TRIM51: variants seen among roughly 807,000 people sequenced by gnomAD.
The protein encoded by TRIM51 is tripartite motif-containing protein 51.
TRIM51 carries 23 observed loss-of-function variants against 32.7 expected under a neutral mutation model. That is an observed-to-expected ratio of 0.70 (90% CI 0.51 to 1.00). The LOEUF (loss-of-function observed/expected upper bound fraction) is 1.00. Among genes scored for constraint, TRIM51 ranks in the 50% least tolerant of loss-of-function variants. The probability of loss-of-function intolerance (pLI) is 0.00; values close to 1 mark genes in which losing one functional copy is unlikely to be tolerated. For synonymous variants in TRIM51, 177 were observed against 181.9 expected, an observed-to-expected ratio of 0.97 and a Z score of 0.22; for missense variants, 592 against 539.2, an observed-to-expected ratio of 1.10 and a Z score of -0.97.
At position 55,885,718 on chromosome 11, in the gene TRIM51, G is replaced by C. The variant is rs749552453; in HGVS notation, c.290G>C (p.Arg97Thr). ...GAGGAGCAAATATGTGGGATGCACAGAGAGACAAAGAAGATGTTCTGTGAA... is the reference window on the plus strand; with the variant it reads ...GAGGAGCAAATATGTGGGATGCACACAGAGACAAAGAAGATGTTCTGTGAA... Reference protein sequence around the residue: ...SSEEQICGMHRETKKMFCEVD... With the variant: ...SSEEQICGMHTETKKMFCEVD... Residue 97 changes from arginine to threonine, a missense_variant, in exon 2 of 7, where the codon AGA becomes ACA. Arg to Thr is a moderately conservative substitution (Grantham distance 71). Coordinates refer to ENST00000449290, the MANE Select transcript of TRIM51 (RefSeq NM_032681.4). The C allele has an allele frequency of 6.2e-7, 1 of 1,611,692 alleles. No homozygotes were observed. The highest frequency in any genetic ancestry group is 1.3e-5 in the African/African-American group (1 of 74,954).
chr11:55,884,095 C>T (rs1004616734), intron 1 of TRIM51, among the ~76,000 whole-genome samples: 2 of 145,302 alleles, frequency 1.4e-5, no homozygotes, highest in African/African-American at 5.1e-5. Flanking sequence ...GCAAAGATTA[C>T]AGTTTGTATT....
At chr11:55,890,339 A>G (rs1373897162) in intron 6 of TRIM51, among the ~76,000 whole-genome samples, 4 of 152,234 alleles carry the variant, frequency 2.6e-5, no homozygotes, top group African/African-American at 9.6e-5. Flanking sequence ...AAGGAAGCAT[A>G]ATAATCCAAG....
At chr11:55,889,331 A>G (rs2134540284) in intron 5 of TRIM51, among the ~76,000 whole-genome samples, 1 of 152,320 alleles carries the variant, frequency 6.6e-6, no homozygotes, top group Admixed American at 6.5e-5. Flanking sequence ...TGAAAGAGAA[A>G]ATATTACATT....
rs1182166668 is a variant in TRIM51 at position 55,885,671 on chromosome 11, C to G, written c.243C>G (p.Ser81Arg). 1 of 1,610,824 alleles carries G rather than the reference C, an allele frequency of 6.2e-7. No homozygotes were observed. Among genetic ancestry groups the G allele is most frequent in the Admixed American group, 1.7e-5 (1 of 59,772 alleles). The change falls in exon 2 of 7, where the codon AGC becomes AGG. Residue 81 changes from serine (S) to arginine (R), a missense_variant. Physicochemically the swap from Ser to Arg is moderately radical, Grantham distance 110 (BLOSUM62 -1). Coordinates refer to ENST00000449290, the MANE Select transcript of TRIM51 (RefSeq NM_032681.4). ...KNMAFIARKA[S>R]LRQFLSSEEQ... ...TGGCTTTCATTGCCAGAAAAGCCAGCCTCCGGCAATTCCTTAGCTCTGAGG... is the reference window on the plus strand; with the variant it reads ...TGGCTTTCATTGCCAGAAAAGCCAGGCTCCGGCAATTCCTTAGCTCTGAGG...
chr11:55,888,335 C>T, intron 4 of TRIM51, 73 bp downstream of exon 4: 1 of 1,095,960 alleles, frequency 9.1e-7, no homozygotes, highest in Middle Eastern at 2.9e-4. Context: ...CTCCTGAACT[C>T]CGTCTCCCCC....
At position 55,891,316 on chromosome 11, in the gene TRIM51, G is replaced by T. The variant is rs753444898; in HGVS notation, c.1043G>T (p.Gly348Val). 1 of 1,611,664 alleles carries T rather than the reference G, an allele frequency of 6.2e-7. No homozygotes were observed. The highest frequency in any genetic ancestry group is 8.5e-7 in the Non-Finnish European group (1 of 1,179,732). The change falls in exon 7 of 7, where the codon GGG becomes GTG. Residue 348 changes from glycine (G) to valine (V), a missense_variant. Gly to Val is a moderately radical substitution (Grantham distance 109). Transcript: ENST00000449290. Reference protein sequence around the residue: ...SGKYYWEVHMGDSWNWAFGVC... With the variant: ...SGKYYWEVHMVDSWNWAFGVC... ...AAATATTATTGGGAGGTTCATATGG[G>T]GGACTCTTGGAATTGGGCTTTTGGT... is the stretch of plus-strand genomic sequence containing the variant.
chr11:55,890,477 G>C (rs1289966570), intron 6 of TRIM51, among the ~76,000 whole-genome samples: 2 of 151,990 alleles, frequency 1.3e-5, no homozygotes. Flanking sequence ...ATATTTTATT[G>C]ATATAATGTA....
intron 3 of TRIM51, 106 bp downstream of exon 3, chr11:55,886,324 A>T (rs534163290): frequency 4.5e-5 from 42 of 926,762 alleles, no homozygotes; most frequent in Non-Finnish European, 6.8e-5. Flanking sequence ...GGAATTCAAT[A>T]AACAAGGAAA....
At chr11:55,885,959 T>G (rs1854572388) in intron 2 of TRIM51, 120 bp downstream of exon 2, 1 of 1,528,830 alleles carries the variant, frequency 6.5e-7, no homozygotes, top group African/African-American at 1.4e-5. Context: ...TGTTATGAGC[T>G]TCCTTGACTT....
chr11:55,886,232 G>T lies in TRIM51; in HGVS notation c.507+14G>T, dbSNP rs765158841. The T allele has an allele frequency of 2.5e-5, 40 of 1,599,662 alleles. No individual in the cohort carries two copies. Among genetic ancestry groups the T allele is most frequent in the African/African-American group, 1.7e-4 (13 of 74,516 alleles). On this transcript the variant is annotated intron_variant, in intron 3 of 6. Coordinates refer to ENST00000449290, the MANE Select transcript of TRIM51 (RefSeq NM_032681.4). ...AGATGCTGGAAGGTTAGTACCGTATGACTCTACCTTCTCCGGGAACTTATA... is the reference window on the plus strand; with the variant it reads ...AGATGCTGGAAGGTTAGTACCGTATTACTCTACCTTCTCCGGGAACTTATA...
At chr11:55,890,929 T>C (rs1365386689) in intron 6 of TRIM51, among the ~76,000 whole-genome samples, 11 of 152,166 alleles carry the variant, frequency 7.2e-5, no homozygotes, top group Non-Finnish European at 1.3e-4. Flanking sequence ...CAATAAATTT[T>C]CAATGTGTTT....
chr11:55,891,637 A>G lies in TRIM51; in HGVS notation c.*5A>G. 2 of 1,612,596 alleles carry G rather than the reference A, an allele frequency of 1.2e-6. No individual in the cohort carries two copies. ...TTTTGCTGTAGTCACTTCTGACCAG[A>G]GAAAAGTCAGAAATGTGCCTGTATG... On this transcript the variant is annotated 3_prime_UTR_variant, in exon 7 of 7. Coordinates refer to ENST00000449290, the MANE Select transcript of TRIM51 (RefSeq NM_032681.4).
intron 6 of TRIM51, among the ~76,000 whole-genome samples, chr11:55,890,770 A>G (rs1353421387): frequency 6.6e-6 from 1 of 152,172 alleles, no homozygotes; most frequent in Non-Finnish European, 1.5e-5. Flanking sequence ...TGCCAAAATT[A>G]TATCACTAGT....
At chr11:55,886,822 G>A (rs1243177532) in intron 3 of TRIM51, among the ~76,000 whole-genome samples, 1 of 152,050 alleles carries the variant, frequency 6.6e-6, no homozygotes, top group Admixed American at 6.6e-5. Flanking sequence ...AGAAGTCTAA[G>A]GACTTGAGAA....
Position 55,885,385 on chromosome 11 carries a change from A to T in TRIM51, c.-4-40A>T, listed in dbSNP as rs550634579. 38 of 1,610,454 alleles carry T rather than the reference A, an allele frequency of 2.4e-5. No homozygotes were observed. The South Asian group carries it at 4.0e-4, about 17-fold the overall frequency. On this transcript the variant is annotated intron_variant, in intron 1 of 6. Transcript: ENST00000449290. Reference sequence around the variant, plus strand: ...ACCACATGTTCACGGATTTTCACCAACCCAGACCCCAAAATGACATGCTGC... The same window carrying T: ...ACCACATGTTCACGGATTTTCACCATCCCAGACCCCAAAATGACATGCTGC...
chr11:55,890,015 C>T lies in TRIM51; in HGVS notation c.835C>T (p.Leu279=), dbSNP rs779513121. The T allele has an allele frequency of 3.1e-6, 5 of 1,612,956 alleles. No homozygotes were observed. Among genetic ancestry groups the T allele is most frequent in the African/African-American group, 2.7e-5 (2 of 74,864 alleles). Residue 279 remains leucine, a synonymous_variant, in exon 6 of 7, where the codon CTG becomes TTG. Coordinates refer to ENST00000449290, the MANE Select transcript of TRIM51 (RefSeq NM_032681.4). ...ELSAGPITGL[L]DSLSGFRVDF... ...CAGTGCAGGGCCCATCACTGGACTGCTGGACAGCCTCAGTGGATTCAGAGG... is the reference window on the plus strand; with the variant it reads ...CAGTGCAGGGCCCATCACTGGACTGTTGGACAGCCTCAGTGGATTCAGAGG...
chr11:55,885,023 T>C (rs762318835), intron 1 of TRIM51, among the ~76,000 whole-genome samples: 13 of 151,986 alleles, frequency 8.6e-5, no homozygotes, highest in Non-Finnish European at 1.8e-4. Context: ...CATCTTCTCA[T>C]GTTTTGTTAC....
Position 55,887,953 on chromosome 11 carries a change from T to C in TRIM51, c.508-79T>C, listed in dbSNP as rs775579242. On this transcript the variant is annotated intron_variant, in intron 3 of 6. Coordinates refer to ENST00000449290, the MANE Select transcript of TRIM51 (RefSeq NM_032681.4). ...AGATTGAGGATTAAAATATTGGGTG[T>C]TTAGAATGCTAAGAGGAATCAGTGA... 83 of 1,050,558 alleles carry C rather than the reference T, an allele frequency of 7.9e-5. No individual in the cohort carries two copies. In the Middle Eastern group the frequency reaches 1.5e-3, roughly 18 times the overall value. 65.1% of individuals were successfully genotyped at this position (1,050,558 alleles called of 1,614,324 possible).
Position 55,891,397 on chromosome 11 carries a change from A to G in TRIM51, c.1124A>G (p.Glu375Gly), listed in dbSNP as rs35822483. ...KRQNDKIDGE[E>G]GLFLLGCVKE... Reference sequence around the variant, plus strand: ...CAGAATGACAAGATAGATGGAGAGGAGGGACTCTTTCTTCTTGGATGTGTT... The same window carrying G: ...CAGAATGACAAGATAGATGGAGAGGGGGGACTCTTTCTTCTTGGATGTGTT... Residue 375 changes from glutamate to glycine, a missense_variant, in exon 7 of 7, where the codon GAG (glutamate) becomes GGG (glycine). Coordinates refer to ENST00000449290, the MANE Select transcript of TRIM51 (RefSeq NM_032681.4). 44 of 1,612,244 alleles carry G rather than the reference A, an allele frequency of 2.7e-5. No individual in the cohort carries two copies. The highest frequency in any genetic ancestry group is 3.6e-5 in the Non-Finnish European group (43 of 1,179,730).
Sources: gnomAD v4.1 joint callset for allele counts (sites outside exome capture counted in the v4.1 genomes callset) on GRCh38, gnomAD v4.1.1 for gene constraint, MANE v1.5 for transcripts, NCBI Gene and HGNC (gene_info 2026-07-23, HGNC 2026-07-21) for gene names.